SPACA6: variants seen among roughly 807,000 people sequenced by gnomAD.
SPACA6 encodes sperm acrosome membrane-associated protein 6.
For synonymous variants in SPACA6, 6 were observed against 1.5 expected (o/e 4.05, Z -2.21); for missense variants, 8 against 2.8 (o/e 2.88, Z -1.34).
In SPACA6 at chr19:51,701,641, T is replaced by A. The variant is rs1188379608; in HGVS notation, c.293-17T>A. The A allele has an allele frequency of 2.5e-6, 1 of 398,672 alleles. No individual in the cohort carries two copies. The highest frequency in any genetic ancestry group is 2.1e-5 in the African/African-American group (1 of 48,544). 24.7% of individuals were successfully genotyped at this position (398,672 alleles called of 1,614,324 possible). On this transcript the variant is annotated splice_polypyrimidine_tract_variant and intron_variant, in intron 2 of 8. Coordinates refer to ENST00000637797, the MANE Select transcript of SPACA6 (RefSeq NM_001316972.2). ...AAGGGCTTTACTACACAGGCCGTCC[T>A]CCCCTCCACTCTCCAGGATCCTTTG...
At chr19:51,710,083 C>CA (rs1294769200), downstream of SPACA6, among the ~76,000 whole-genome samples, 4 of 151,382 alleles carry the variant, frequency 2.6e-5, no homozygotes, top group African/African-American at 4.9e-5. Context: ...GAAAGGGTGT[C>CA]AAAAAAAATA....
intron 2 of SPACA6, among the ~76,000 whole-genome samples, chr19:51,711,863 G>T (rs1470865896): frequency 6.6e-6 from 1 of 152,186 alleles, no homozygotes; most frequent in African/African-American, 2.4e-5. Flanking sequence ...ATGAGCAGCT[G>T]CCCAGGTCTT....
chr19:51,700,781 T>C (rs2083462838), intron 2 of SPACA6, among the ~76,000 whole-genome samples: 1 of 152,098 alleles, frequency 6.6e-6, no homozygotes, highest in Non-Finnish European at 1.5e-5. Flanking sequence ...GAGCTAGGAA[T>C]GAAATGATTG....
chr19:51,699,482 G>T (rs972363651), intron 2 of SPACA6, among the ~76,000 whole-genome samples: 2 of 152,160 alleles, frequency 1.3e-5, no homozygotes, highest in African/African-American at 4.8e-5. Context: ...CTGTGTGTTG[G>T]TTTGCTAGGA....
the SPACA6 span, among the ~76,000 whole-genome samples, chr19:51,683,729 T>A: frequency 6.6e-6 from 1 of 152,354 alleles, no homozygotes; most frequent in Non-Finnish European, 1.5e-5. Flanking sequence ...TTTTAAGCAC[T>A]TTCCATACAT....
chr19:51,711,788 C>G (rs2083542486), intron 2 of SPACA6, among the ~76,000 whole-genome samples: 1 of 150,726 alleles, frequency 6.6e-6, no homozygotes, highest in African/African-American at 2.4e-5. Context: ...CAAAAAAAAG[C>G]ACATACTGCA....
chr19:51,705,636 C>T (rs1488037364), downstream of SPACA6, among the ~76,000 whole-genome samples: 1 of 152,120 alleles, frequency 6.6e-6, no homozygotes, highest in African/African-American at 2.4e-5. Context: ...CAGCCCCCCA[C>T]CACCTCCTTG....
intron 2 of SPACA6, among the ~76,000 whole-genome samples, chr19:51,698,237 C>T (rs2122210082): frequency 6.6e-6 from 1 of 152,202 alleles, no homozygotes; most frequent in Non-Finnish European, 1.5e-5. Context: ...ACGGAAGCAC[C>T]AGGACTCAGA....
downstream of SPACA6, among the ~76,000 whole-genome samples, chr19:51,709,106 G>A (rs1207944535): frequency 6.6e-6 from 1 of 151,892 alleles, no homozygotes; most frequent in African/African-American, 2.4e-5. Context: ...GCTCACACCT[G>A]TAATCCCAGC....
Position 51,703,151 on chromosome 19 carries a change from G to C in SPACA6, c.463+53G>C, listed in dbSNP as rs757263070. On this transcript the variant is annotated intron_variant, in intron 5 of 8. Coordinates refer to ENST00000637797, the MANE Select transcript of SPACA6 (RefSeq NM_001316972.2). The surrounding 1 kb of genome is among the most constrained non-coding windows in gnomAD (Gnocchi z 4.2). The stretch of plus-strand genomic sequence containing the variant: ...GAGGCCAACCTGAGAAAAGGGACCA[G>C]AGCACCGAGGGGCATAAGCTGGTGG... 38 of 399,584 alleles carry C rather than the reference G, an allele frequency of 9.5e-5. No individual in the cohort carries two copies. Among genetic ancestry groups the C allele is most frequent in the Non-Finnish European group, 1.5e-4 (35 of 226,542 alleles). 24.8% of individuals were successfully genotyped at this position (399,584 alleles called of 1,614,324 possible). A position where few individuals can be genotyped will look rare whatever the true frequency, so the allele number is the denominator to read the frequency against.
At chr19:51,698,439 TG>T (rs1351318559) in intron 2 of SPACA6, among the ~76,000 whole-genome samples, 3 of 152,160 alleles carry the variant, frequency 2.0e-5, no homozygotes, top group Admixed American at 1.3e-4. Flanking sequence ...ATGGCTTACT[TG>T]GTATATCCCA....
At chr19:51,702,026 G>C (rs79026637) in intron 3 of SPACA6, among the ~76,000 whole-genome samples, 1,752 of 152,036 alleles carry the variant, frequency 0.012, 33 homozygotes, top group African/African-American at 0.039. Context: ...ACCCGAGATC[G>C]GCACTCCAGC....
chr19:51,692,557 T>C (rs1231014191), upstream of SPACA6: 1 of 495,556 alleles, frequency 2.0e-6, no homozygotes. The surrounding 1 kb of genome is among the most constrained non-coding windows in gnomAD (Gnocchi z 5.6). Flanking sequence ...GCTGAGGGCC[T>C]GGACTCCTGG....
chr19:51,696,742 C>A (rs960465582), intron 2 of SPACA6, among the ~76,000 whole-genome samples: 8 of 152,144 alleles, frequency 5.3e-5, no homozygotes, highest in African/African-American at 1.9e-4. Flanking sequence ...AACTACCGTA[C>A]CTGGCTGGGT....
rs186912317 is a variant in SPACA6, at chr19:51,703,095, C to G, written c.460C>G (p.Pro154Ala). 315 of 399,638 alleles carry G rather than the reference C, an allele frequency of 7.9e-4. 1 individual carries two copies. Among genetic ancestry groups the G allele is most frequent in the African/African-American group, 5.8e-3 (281 of 48,772 alleles). 24.8% of individuals were successfully genotyped at this position (399,638 alleles called of 1,614,324 possible). A position where few individuals can be genotyped will look rare whatever the true frequency, so the allele number is the denominator to read the frequency against. The change falls in exon 5 of 9, where the codon CCA becomes GCA. Residue 154 changes from proline (P) to alanine (A), a missense_variant. By Grantham distance (27) the Pro-to-Ala change is conservative. Coordinates refer to ENST00000637797, the MANE Select transcript of SPACA6 (RefSeq NM_001316972.2). This position sits in a 1 kb window ranked among gnomAD's most constrained non-coding sequence, Gnocchi z 4.2. ...SRVCDLPLDC[P>A]VQDVTVTRGD... is the part of the protein sequence containing the mutation. ...GGTCTGCGACCTCCCGCTGGACTGC[C>G]CAGGTGAGGGGGCGGGGCCTCGGGG...
chr19:51,704,510 A>G (rs1176755854), intron 8 of SPACA6, 30 bp downstream of exon 8: 2 of 400,756 alleles, frequency 5.0e-6, no homozygotes, highest in East Asian at 3.6e-5. Flanking sequence ...GAGCCCCAGC[A>G]TCTAGCTCCC....
downstream of SPACA6, among the ~76,000 whole-genome samples, chr19:51,706,063 T>C (rs1165551386): frequency 6.6e-6 from 1 of 152,194 alleles, no homozygotes; most frequent in Non-Finnish European, 1.5e-5. Context: ...AGTGACTCCC[T>C]GTTGCCATTG....
downstream of SPACA6, among the ~76,000 whole-genome samples, chr19:51,706,867 C>T (rs943579038): frequency 1.3e-5 from 2 of 152,204 alleles, no homozygotes; most frequent in African/African-American, 4.8e-5. Context: ...CCATTTTGGC[C>T]AGGCTGATCT....
intron 3 of SPACA6, 141 bp from the exon 4 acceptor site, chr19:51,702,488 A>G (rs1020820441): frequency 5.2e-5 from 20 of 386,132 alleles, no homozygotes; most frequent in African/African-American, 3.0e-4. Flanking sequence ...AGCCGGCTTG[A>G]CCCCGCCCCC....
Sources: allele counts gnomAD v4.1 joint callset (sites outside exome capture counted in the v4.1 genomes callset), GRCh38; gene constraint gnomAD v4.1.1; non-coding constraint Gnocchi (gnomAD v3.1); transcripts MANE v1.5; gene names NCBI Gene and HGNC (gene_info 2026-07-23, HGNC 2026-07-21).